GBP7: variants seen among roughly 807,000 people sequenced by gnomAD.
GBP7 encodes guanylate binding protein 7.
GBP7 carries 43 observed loss-of-function variants against 61.3 expected under a neutral mutation model. The observed-to-expected ratio is 0.70, with a 90% CI of 0.55 to 0.91. The LOEUF is 0.91. GBP7 is among the 40% of genes least tolerant of loss of function. GBP7 has a pLI of 0.00. For synonymous variants in GBP7, 267 were observed against 271.0 expected (o/e 0.99, Z 0.14); for missense variants, 717 against 740.5 (o/e 0.97, Z 0.37).
At chr1:89,165,925 G>A (rs942542325) in intron 2 of GBP7, among the ~76,000 whole-genome samples, 6 of 151,966 alleles carry the variant, frequency 3.9e-5, no homozygotes, top group Non-Finnish European at 8.8e-5. Context: ...TATATAAAAA[G>A]ACCAATTTCA....
chr1:89,167,560 C>T (rs540050871), intron 2 of GBP7, among the ~76,000 whole-genome samples: 9 of 152,266 alleles, frequency 5.9e-5, no homozygotes, highest in East Asian at 1.9e-4. Flanking sequence ...CAAAAATAAA[C>T]GTACCAAACA....
intron 8 of GBP7, among the ~76,000 whole-genome samples, chr1:89,142,400 C>T (rs1338513830): frequency 3.3e-5 from 5 of 152,170 alleles, no homozygotes; most frequent in African/African-American, 1.2e-4. Flanking sequence ...ATGTGTGCCA[C>T]CGCAGCTGGC....
chr1:89,175,340 G>A (rs1235425041), intron 1 of GBP7, among the ~76,000 whole-genome samples: 1 of 152,044 alleles, frequency 6.6e-6, no homozygotes, highest in African/African-American at 2.4e-5. Flanking sequence ...TTATAGCAAT[G>A]GCCTACAGGA....
chr1:89,146,199 G>A (rs1256690410), intron 8 of GBP7, among the ~76,000 whole-genome samples: 1 of 152,212 alleles, frequency 6.6e-6, no homozygotes, highest in Admixed American at 6.5e-5. Context: ...AGTACACCAT[G>A]AGAAAAAGAT....
chr1:89,164,856 AG>A lies in GBP7; in HGVS notation c.192del (p.Phe65SerfsTer7), dbSNP rs2100658256. The A allele has an allele frequency of 6.2e-7, 1 of 1,613,528 alleles. No individual in the cohort carries two copies. Among genetic ancestry groups the A allele is most frequent in the East Asian group, 2.2e-5 (1 of 44,836 alleles). On this transcript the variant is annotated frameshift_variant and splice_region_variant, in exon 3 of 11. Transcript: ENST00000294671. LOFTEE classifies it high-confidence loss of function. ...LMNKLAGKNKGFPLGCTVKSE... is the reference protein window; with the variant it reads ...LMNKLAGKNKXFPLGCTVKSE... Reference sequence around the variant, plus strand: ...GACTTCACTGTGCAGCCCAGAGGGAAGCCTTCAAGGGAAGAGGAGAAACAAC... The same window carrying A: ...GACTTCACTGTGCAGCCCAGAGGGAACCTTCAAGGGAAGAGGAGAAACAAC...
Position 89,172,369 on chromosome 1 carries a change from C to A in GBP7, c.-19-415G>T, listed in dbSNP as rs563349010. Among the ~76,000 whole-genome samples, 12 of 152,272 alleles carry A rather than the reference C, an allele frequency of 7.9e-5. No individual in the cohort carries two copies. The East Asian group carries it at 2.1e-3, about 27-fold the overall frequency. ...TCCAGGATCCCTCATTGCATTTAGT[C>A]ATTATGTTTCTGTAGTTTTCTTGCA... On this transcript the variant is annotated intron_variant, in intron 1 of 10. Transcript: ENST00000294671.
intron 3 of GBP7, among the ~76,000 whole-genome samples, chr1:89,160,179 G>C (rs1682406675): frequency 6.6e-6 from 1 of 152,142 alleles, no homozygotes; most frequent in Admixed American, 6.5e-5. Flanking sequence ...CTTGGACACA[G>C]GGTGAGGAAC....
intron 2 of GBP7, among the ~76,000 whole-genome samples, chr1:89,165,507 A>AGAAG (rs56335584): frequency 6.8e-6 from 1 of 147,144 alleles, no homozygotes; most frequent in Non-Finnish European, 1.5e-5. Flanking sequence ...TCTCAAAAAA[A>AGAAG]AAGAAAAAAA....
In GBP7 at chr1:89,150,229, A is replaced by T. The variant is rs1682160903; in HGVS notation, c.871+101T>A. On this transcript the variant is annotated intron_variant, in intron 6 of 10. Coordinates refer to ENST00000294671, the MANE Select transcript of GBP7 (RefSeq NM_207398.3). ...ACTTATCCCACACCTCATAACACAG[A>T]TGTTATCTCCTTACCAGTTGTTCGT... 6 of 1,084,034 alleles carry T rather than the reference A, an allele frequency of 5.5e-6. No individual in the cohort carries two copies. In the South Asian group the frequency reaches 9.0e-5, roughly 16 times the overall value. The allele number at this position is 1,084,034 out of a possible 1,614,324, so 67.2% of individuals were successfully genotyped here.
intron 2 of GBP7, among the ~76,000 whole-genome samples, chr1:89,166,549 G>A (rs1008270417): frequency 9.9e-5 from 15 of 152,134 alleles, no homozygotes; most frequent in African/African-American, 1.9e-4. Flanking sequence ...TTAGAATACC[G>A]CAGGAATTAA....
chr1:89,157,362 A>T (rs1232215905), intron 3 of GBP7, among the ~76,000 whole-genome samples: 1 of 152,224 alleles, frequency 6.6e-6, no homozygotes, highest in East Asian at 1.9e-4. Flanking sequence ...ATCAGAGCAG[A>T]GCTGAAGGAG....
At position 89,132,237 on chromosome 1, in the gene GBP7, C is replaced by T; in HGVS notation, c.1829G>A (p.Gly610Glu). 2 of 1,613,738 alleles carry T rather than the reference C, an allele frequency of 1.2e-6. No individual in the cohort carries two copies. The highest frequency in any genetic ancestry group is 1.7e-6 in the Non-Finnish European group (2 of 1,179,726). ...TCCTAAATCAACTAGCTTAGCAGCCCCAGGTAGTGCTGCAATAAATATACT... is the reference window on the plus strand; with the variant it reads ...TCCTAAATCAACTAGCTTAGCAGCCTCAGGTAGTGCTGCAATAAATATACT... ...AGSIFIAALP[G>E]AAKLVDLGMK... The change falls in exon 11 of 11, where the codon GGG becomes GAG. Residue 610 changes from glycine (G) to glutamate (E), a missense_variant. Transcript: ENST00000294671.
intron 3 of GBP7, among the ~76,000 whole-genome samples, chr1:89,159,844 A>G (rs1289840607): frequency 2.6e-5 from 4 of 152,246 alleles, no homozygotes; most frequent in Admixed American, 1.3e-4. Flanking sequence ...CATTTAACCC[A>G]GCCATCCTAT....
intron 8 of GBP7, among the ~76,000 whole-genome samples, chr1:89,142,789 C>A (rs202157717): frequency 6.6e-6 from 1 of 151,960 alleles, no homozygotes; most frequent in Non-Finnish European, 1.5e-5. Flanking sequence ...TCCCTTCTTT[C>A]AAAAAAAATT....
chr1:89,171,217 A>C (rs1647587959), intron 2 of GBP7, among the ~76,000 whole-genome samples: 1 of 152,230 alleles, frequency 6.6e-6, no homozygotes, highest in Non-Finnish European at 1.5e-5. Flanking sequence ...GAAACTGAAG[A>C]GTAGAAATAG....
rs957810095 is a variant in GBP7 at position 89,149,874 on chromosome 1, T to C, written c.872-302A>G. Among the ~76,000 whole-genome samples the C allele has an allele frequency of 3.7e-4, 56 of 152,296 alleles. 6 individuals are homozygous for C. Among genetic ancestry groups the C allele is most frequent in the Admixed American group, 9.2e-4 (14 of 15,294 alleles). The stretch of plus-strand genomic sequence containing the variant: ...GTTTCTTGAAAAAAAAAAACTTTTC[T>C]GCTTAAGTAAAAATTTAAAAGCGTT... On this transcript the variant is annotated intron_variant, in intron 6 of 10. Coordinates refer to ENST00000294671, the MANE Select transcript of GBP7 (RefSeq NM_207398.3).
At chr1:89,168,887 T>A (rs927268530) in intron 2 of GBP7, among the ~76,000 whole-genome samples, 3 of 152,124 alleles carry the variant, frequency 2.0e-5, no homozygotes, top group Non-Finnish European at 2.9e-5. Context: ...GAGAATCGCT[T>A]GAACCCGGGA....
chr1:89,168,530 G>C (rs538527831), intron 2 of GBP7, among the ~76,000 whole-genome samples: 3 of 152,250 alleles, frequency 2.0e-5, no homozygotes, highest in African/African-American at 7.2e-5. Context: ...AGACTGCTTG[G>C]AGCATGTATT....
At chr1:89,139,840 G>A (rs1681891615) in intron 9 of GBP7, among the ~76,000 whole-genome samples, 1 of 152,166 alleles carries the variant, frequency 6.6e-6, no homozygotes, top group Admixed American at 6.5e-5. Context: ...TTACCCTGTT[G>A]GTGGGACTGT....
Sources: gnomAD v4.1 joint callset for allele counts (sites outside exome capture counted in the v4.1 genomes callset) on GRCh38, gnomAD v4.1.1 for gene constraint, MANE v1.5 for transcripts, NCBI Gene and HGNC (gene_info 2026-07-23, HGNC 2026-07-21) for gene names.